ANKRD13C: variants seen among roughly 807,000 people sequenced by gnomAD.
The protein encoded by ANKRD13C is ankyrin repeat domain 13C.
ANKRD13C carries 16 observed loss-of-function variants against 65.5 expected under a neutral mutation model. That is an observed-to-expected ratio of 0.24 (90% CI 0.17 to 0.37). The LOEUF is 0.37. ANKRD13C is among the 10% of genes least tolerant of loss of function. The pLI is 1.00. For missense variants in ANKRD13C, 503 were observed against 655.9 expected (o/e 0.77, Z 2.55); for synonymous variants, 235 against 238.7 (o/e 0.98, Z 0.14).
chr1:70,291,117 A>G (rs755164923), intron 9 of ANKRD13C, among the ~76,000 whole-genome samples: 1 of 150,666 alleles, frequency 6.6e-6, no homozygotes, highest in African/African-American at 2.4e-5. Context: ...CACAACCTCC[A>G]CCTCCCAGTC....
intron 9 of ANKRD13C, among the ~76,000 whole-genome samples, chr1:70,279,993 A>C (rs1194462447): frequency 6.6e-6 from 1 of 152,184 alleles, no homozygotes; most frequent in Admixed American, 6.5e-5. Context: ...TTTCAATATC[A>C]CACTACAGAG....
chr1:70,288,786 G>T (rs958608493), intron 9 of ANKRD13C, among the ~76,000 whole-genome samples: 14 of 152,118 alleles, frequency 9.2e-5, no homozygotes, highest in Non-Finnish European at 1.9e-4. Context: ...GGTACATGAG[G>T]GATCGTATGG....
intron 1 of ANKRD13C, among the ~76,000 whole-genome samples, chr1:70,347,084 T>C (rs1168162427): frequency 3.2e-4 from 29 of 89,442 alleles, no homozygotes. Flanking sequence ...AGAGCGAGGC[T>C]CCGTCTCAAA....
intron 10 of ANKRD13C, among the ~76,000 whole-genome samples, chr1:70,275,961 C>CAAAAAAAAAAAAAAAAAAAAAAAATA (rs1209279880): frequency 2.7e-5 from 1 of 37,248 alleles, no homozygotes; most frequent in African/African-American, 8.2e-5. Flanking sequence ...GACTCCATCT[C>CAAAAAAAAAAAAAAAAAAAAAAAATA]AAAAAAAAAA....
At chr1:70,290,569 T>A (rs1679819899) in intron 9 of ANKRD13C, among the ~76,000 whole-genome samples, 1 of 151,522 alleles carries the variant, frequency 6.6e-6, no homozygotes, top group Admixed American at 6.6e-5. Context: ...AGGATCTCAC[T>A]GTGTCACCCA....
At chr1:70,308,974 A>C (rs529757702) in intron 5 of ANKRD13C, among the ~76,000 whole-genome samples, 1 of 152,200 alleles carries the variant, frequency 6.6e-6, no homozygotes, top group African/African-American at 2.4e-5. Context: ...TTCACTAAAC[A>C]GAAAATAAAA....
At chr1:70,297,903 G>A (rs1462393372) in intron 7 of ANKRD13C, among the ~76,000 whole-genome samples, 4 of 123,750 alleles carry the variant, frequency 3.2e-5, no homozygotes, top group African/African-American at 9.4e-5. Flanking sequence ...GAGACAGAGA[G>A]AGACTCCATC....
intron 2 of ANKRD13C, among the ~76,000 whole-genome samples, chr1:70,329,677 C>T (rs1681697227): frequency 2.0e-5 from 3 of 152,118 alleles, no homozygotes; most frequent in African/African-American, 7.2e-5. Flanking sequence ...ACAGACCCAG[C>T]AGAAAAGATG....
chr1:70,316,858 A>C (rs1306843718), intron 3 of ANKRD13C, among the ~76,000 whole-genome samples: 1 of 152,184 alleles, frequency 6.6e-6, no homozygotes, highest in Non-Finnish European at 1.5e-5. Flanking sequence ...AAATATATAC[A>C]TATATACACG....
chr1:70,310,653 T>C (rs1256728199), intron 5 of ANKRD13C, among the ~76,000 whole-genome samples: 1 of 152,242 alleles, frequency 6.6e-6, no homozygotes, highest in South Asian at 2.1e-4. Flanking sequence ...AATTAAAATA[T>C]CACTTTTAAA....
intron 1 of ANKRD13C, among the ~76,000 whole-genome samples, chr1:70,353,494 C>CA (rs1388771180): frequency 6.6e-6 from 1 of 151,684 alleles, no homozygotes; most frequent in Non-Finnish European, 1.5e-5. Context: ...TGAAAGCAGA[C>CA]AAAAAAGAAA....
At chr1:70,323,643 T>G (rs1681409206) in intron 3 of ANKRD13C, among the ~76,000 whole-genome samples, 1 of 148,340 alleles carries the variant, frequency 6.7e-6, no homozygotes. Context: ...CGAGACTCCC[T>G]CTCAAAAAAA....
At chr1:70,335,192 G>C (rs995157341) in intron 2 of ANKRD13C, among the ~76,000 whole-genome samples, 3 of 152,036 alleles carry the variant, frequency 2.0e-5, no homozygotes, top group African/African-American at 7.2e-5. Flanking sequence ...GGATCATGAG[G>C]TCAGGAGATC....
chr1:70,348,747 T>G (rs1454787721), intron 1 of ANKRD13C, among the ~76,000 whole-genome samples: 3 of 152,206 alleles, frequency 2.0e-5, no homozygotes, highest in African/African-American at 7.2e-5. Context: ...TCTCTAACAT[T>G]GTGTGAAATA....
chr1:70,354,544 C>T lies in ANKRD13C; in HGVS notation c.-136G>A. 3.5e-6 allele frequency: 5 copies of T among 1,437,668 alleles called. No individual in the cohort carries two copies. Among genetic ancestry groups the T allele is most frequent in the South Asian group, 3.0e-5 (2 of 67,562 alleles). The allele number at this position is 1,437,668 out of a possible 1,614,324, so 89.1% of individuals were successfully genotyped here. A position where few individuals can be genotyped will look rare whatever the true frequency, so the allele number is the denominator to read the frequency against. On this transcript the variant is annotated 5_prime_UTR_variant, in exon 1 of 13. Transcript: ENST00000370944. ...CATGAACTCCCACTGAGCCCCCGAGCCTGGGACAAACGCATCTCCCGGGGA... is the reference window on the plus strand; with the variant it reads ...CATGAACTCCCACTGAGCCCCCGAGTCTGGGACAAACGCATCTCCCGGGGA...
At chr1:70,329,055 T>C (rs988523490) in intron 2 of ANKRD13C, among the ~76,000 whole-genome samples, 22 of 149,008 alleles carry the variant, frequency 1.5e-4, no homozygotes, top group African/African-American at 5.4e-4. Context: ...TCTACTTCCA[T>C]GAAAACAAAC....
At chr1:70,265,170 G>A (rs996904888) in intron 12 of ANKRD13C, among the ~76,000 whole-genome samples, 11 of 152,130 alleles carry the variant, frequency 7.2e-5, no homozygotes, top group Admixed American at 2.6e-4. Context: ...TGTGACCGGG[G>A]TAGTACTATA....
intron 9 of ANKRD13C, among the ~76,000 whole-genome samples, chr1:70,288,361 T>C (rs971282427): frequency 1.3e-5 from 2 of 152,212 alleles, no homozygotes; most frequent in Admixed American, 6.5e-5. Flanking sequence ...CTAACTACCA[T>C]ATGACATAGA....
In ANKRD13C at chr1:70,300,445, G is replaced by A. The variant is rs1039169273; in HGVS notation, c.921+319C>T. Among the ~76,000 whole-genome samples the A allele has an allele frequency of 4.6e-5, 7 of 152,080 alleles. No homozygotes were observed. The East Asian group carries it at 5.8e-4, about 13-fold the overall frequency. ...TCTACTAAAAATACAAAAATTAGCCGGGCTTGGTGGCGGGCGCCTGTAGTC... is the reference window on the plus strand; with the variant it reads ...TCTACTAAAAATACAAAAATTAGCCAGGCTTGGTGGCGGGCGCCTGTAGTC... On this transcript the variant is annotated intron_variant, in intron 7 of 12. Coordinates refer to ENST00000370944, the MANE Select transcript of ANKRD13C (RefSeq NM_030816.5).
Sources: allele counts gnomAD v4.1 joint callset (sites outside exome capture counted in the v4.1 genomes callset), GRCh38; gene constraint gnomAD v4.1.1; transcripts MANE v1.5; gene names NCBI Gene and HGNC (gene_info 2026-07-23, HGNC 2026-07-21).